GPC5: variants seen among roughly 807,000 people sequenced by gnomAD.
GPC5 encodes glypican 5.
A neutral mutation model predicts 53.9 loss-of-function variants in GPC5; 47 were observed. The observed-to-expected ratio is 0.87, with a 90% confidence interval of 0.69 to 1.11. The LOEUF (loss-of-function observed/expected upper bound fraction) is 1.11. GPC5 is among the 50% of genes most tolerant of loss of function. The pLI is 0.00. For missense variants in GPC5, 748 were observed against 713.1 expected (o/e 1.05, Z -0.56); for synonymous variants, 286 against 263.3 (o/e 1.09, Z -0.84).
chr13:92,047,639 C>T (rs1201035190), intron 6 of GPC5, among the ~76,000 whole-genome samples: 2 of 151,122 alleles, frequency 1.3e-5, no homozygotes, highest in South Asian at 2.1e-4. Flanking sequence ...AACCCTCTAA[C>T]TCATATTTAA....
At chr13:91,852,512 G>C (rs1473718873) in intron 5 of GPC5, among the ~76,000 whole-genome samples, 2 of 150,446 alleles carry the variant, frequency 1.3e-5, no homozygotes, top group Admixed American at 6.6e-5. Context: ...TTATAGATTT[G>C]CTTGTAAGCA....
chr13:92,333,241 G>T (rs2043300232), intron 7 of GPC5, among the ~76,000 whole-genome samples: 1 of 152,126 alleles, frequency 6.6e-6, no homozygotes, highest in Non-Finnish European at 1.5e-5. Context: ...GTAAATATCA[G>T]AGAAAAGTCT....
chr13:92,849,978 A>C (rs1029971123), intron 7 of GPC5, among the ~76,000 whole-genome samples: 1 of 152,194 alleles, frequency 6.6e-6, no homozygotes, highest in African/African-American at 2.4e-5. Flanking sequence ...CCTGCCATAG[A>C]CATAGCCAGA....
chr13:92,812,113 C>A, intron 7 of GPC5, among the ~76,000 whole-genome samples: 1 of 151,756 alleles, frequency 6.6e-6, no homozygotes. Context: ...TTTTCTATTT[C>A]TTCAAAAATC....
At chr13:91,453,015 A>G (rs1425913625) in intron 2 of GPC5, among the ~76,000 whole-genome samples, 2 of 148,590 alleles carry the variant, frequency 1.3e-5, no homozygotes, top group Non-Finnish European at 3.0e-5. Context: ...ATAACTGGAA[A>G]TGCATTATTC....
chr13:91,804,689 T>C (rs570129254), intron 5 of GPC5, among the ~76,000 whole-genome samples: 62 of 152,288 alleles, frequency 4.1e-4, no homozygotes, highest in African/African-American at 1.4e-3. Context: ...AATGATCTCC[T>C]GAGAACAGTT....
chr13:91,831,698 C>G (rs2038661708), intron 5 of GPC5, among the ~76,000 whole-genome samples: 3 of 151,536 alleles, frequency 2.0e-5, no homozygotes, highest in African/African-American at 7.3e-5. Flanking sequence ...AGCTTACCTT[C>G]TTAGAAAACT....
At chr13:92,020,469 C>T (rs1260222367) in intron 6 of GPC5, among the ~76,000 whole-genome samples, 3 of 152,082 alleles carry the variant, frequency 2.0e-5, no homozygotes, top group African/African-American at 4.8e-5. Context: ...TTTCTACCTC[C>T]TCACCAACAC....
intron 5 of GPC5, among the ~76,000 whole-genome samples, chr13:91,838,248 C>T (rs777730249): frequency 2.6e-5 from 4 of 152,022 alleles, no homozygotes; most frequent in African/African-American, 4.8e-5. Context: ...CTGCCATCCC[C>T]GCTGCCCTCT....
chr13:91,479,269 A>T (rs2139210143), intron 2 of GPC5, among the ~76,000 whole-genome samples: 1 of 152,124 alleles, frequency 6.6e-6, no homozygotes, highest in Non-Finnish European at 1.5e-5. Context: ...ACTATTAGTA[A>T]TTTACACCTA....
intron 6 of GPC5, among the ~76,000 whole-genome samples, chr13:92,040,938 C>T (rs766371090): frequency 2.9e-4 from 44 of 152,314 alleles, no homozygotes; most frequent in Non-Finnish European, 3.7e-4. Context: ...GCAACCTCCA[C>T]CTCCTGGGTT....
chr13:92,190,127 C>T (rs1293719272), intron 7 of GPC5, among the ~76,000 whole-genome samples: 2 of 152,102 alleles, frequency 1.3e-5, no homozygotes, highest in African/African-American at 2.4e-5. Context: ...ATAAGAATTA[C>T]ATCTGACTTC....
chr13:92,457,610 A>G (rs1009950591), intron 7 of GPC5, among the ~76,000 whole-genome samples: 15 of 152,190 alleles, frequency 9.9e-5, no homozygotes, highest in African/African-American at 2.9e-4. Flanking sequence ...GATGAATTCC[A>G]ACTCTTCATC....
At chr13:92,855,823 G>C (rs909196086) in intron 7 of GPC5, among the ~76,000 whole-genome samples, 7 of 151,984 alleles carry the variant, frequency 4.6e-5, no homozygotes, top group Admixed American at 3.3e-4. Flanking sequence ...ATCCTGAACA[G>C]ACCAGTAACA....
chr13:92,069,252 CT>C (rs1341529985), intron 6 of GPC5, among the ~76,000 whole-genome samples: 2 of 151,948 alleles, frequency 1.3e-5, no homozygotes, highest in Non-Finnish European at 2.9e-5. Context: ...ACAAACAACA[CT>C]GAATTAATAT....
intron 2 of GPC5, among the ~76,000 whole-genome samples, chr13:91,583,950 C>G (rs7992920): frequency 0.13 from 19,510 of 152,124 alleles, 1,671 homozygotes; most frequent in African/African-American, 0.25. Context: ...GTAATCCCTG[C>G]TACCTCAGAA....
At chr13:91,974,809 C>G (rs1428039992) in intron 6 of GPC5, among the ~76,000 whole-genome samples, 1 of 151,804 alleles carries the variant, frequency 6.6e-6, no homozygotes, top group South Asian at 2.1e-4. Flanking sequence ...CCCACAATGC[C>G]AAGACAATCC....
At chr13:92,776,681 A>G (rs887857772) in intron 7 of GPC5, among the ~76,000 whole-genome samples, 2 of 151,762 alleles carry the variant, frequency 1.3e-5, no homozygotes, top group African/African-American at 4.8e-5. Flanking sequence ...ATTGTGGGGG[A>G]ATGTTTTCAA....
chr13:92,397,940 A>C (rs967139284), intron 7 of GPC5, among the ~76,000 whole-genome samples: 1 of 152,202 alleles, frequency 6.6e-6, no homozygotes, highest in African/African-American at 2.4e-5. Flanking sequence ...CAAAATATAC[A>C]GGCAGATTAC....
Sources: allele counts gnomAD v4.1 joint callset (sites outside exome capture counted in the v4.1 genomes callset), GRCh38; gene constraint gnomAD v4.1.1; transcripts MANE v1.5; gene names NCBI Gene and HGNC (gene_info 2026-07-23, HGNC 2026-07-21).